The following CAMKMT variants were observed in gnomAD, a reference collection of about 807,000 sequenced individuals.
CAMKMT encodes the protein calmodulin-lysine N-methyltransferase, also known as CaM KMT.
Under a neutral mutation model 48.0 loss-of-function variants are expected in CAMKMT, and 53 were observed. That is an observed-to-expected ratio of 1.10 (90% CI 0.89 to 1.39). CAMKMT has a LOEUF of 1.39. Among genes scored for constraint, CAMKMT ranks in the 40% most tolerant of loss-of-function variants. The probability of loss-of-function intolerance (pLI) is 0.00; values close to 1 mark genes in which losing one functional copy is unlikely to be tolerated. For missense variants in CAMKMT, 428 were observed against 402.7 expected, an observed-to-expected ratio of 1.06 and a Z score of -0.54; for synonymous variants, 165 against 152.3, an observed-to-expected ratio of 1.08 and a Z score of -0.61.
intron 3 of CAMKMT, among the ~76,000 whole-genome samples, chr2:44,480,691 A>G (rs1166481787): frequency 6.6e-6 from 1 of 152,214 alleles, no homozygotes; most frequent in East Asian, 1.9e-4. Context: ...ATGGCAATGT[A>G]TGAGTATCTT....
chr2:44,372,989 G>A (rs1427305649), intron 2 of CAMKMT, 101 bp downstream of exon 2: 14 of 1,123,074 alleles, frequency 1.2e-5, no homozygotes, highest in South Asian at 6.3e-5. Context: ...TTGAGTTTAC[G>A]GGCAATCTTT....
intron 3 of CAMKMT, among the ~76,000 whole-genome samples, chr2:44,658,464 A>T (rs1674498855): frequency 6.6e-6 from 1 of 152,174 alleles, no homozygotes; most frequent in Non-Finnish European, 1.5e-5. Flanking sequence ...GACTCTGCAC[A>T]GTTGCATGCT....
intron 3 of CAMKMT, among the ~76,000 whole-genome samples, chr2:44,570,128 A>G (rs1198226892): frequency 6.6e-6 from 1 of 152,202 alleles, no homozygotes; most frequent in Non-Finnish European, 1.5e-5. Context: ...CTTATAAGTA[A>G]TGTTTCCCCC....
intron 6 of CAMKMT, among the ~76,000 whole-genome samples, chr2:44,711,136 T>A (rs1344342136): frequency 6.6e-6 from 1 of 152,180 alleles, no homozygotes. Flanking sequence ...AACACGGAAA[T>A]CCCGGGCCAT....
At chr2:44,410,244 TA>T (rs1683103281) in intron 3 of CAMKMT, among the ~76,000 whole-genome samples, 1 of 10,996 alleles carries the variant, frequency 9.1e-5, no homozygotes, top group Non-Finnish European at 2.2e-4. Context: ...TATATATATA[TA>T]TATTTTTTTT....
chr2:44,596,215 G>A (rs1235867415), intron 3 of CAMKMT, among the ~76,000 whole-genome samples: 1 of 151,938 alleles, frequency 6.6e-6, no homozygotes, highest in African/African-American at 2.4e-5. Context: ...TTGGGAGGAC[G>A]AGGTAGGTGG....
At chr2:44,620,143 G>T (rs1480974275) in intron 3 of CAMKMT, among the ~76,000 whole-genome samples, 1 of 152,080 alleles carries the variant, frequency 6.6e-6, no homozygotes, top group Non-Finnish European at 1.5e-5. Context: ...ATATAATTAA[G>T]ATAGAATTAG....
chr2:44,458,592 T>A (rs948244873), intron 3 of CAMKMT, among the ~76,000 whole-genome samples: 6 of 152,232 alleles, frequency 3.9e-5, no homozygotes, highest in Non-Finnish European at 1.5e-5. Flanking sequence ...TTCTCAGAAT[T>A]GAAAACAGCA....
chr2:44,413,310 T>G (rs1347897766), intron 3 of CAMKMT, among the ~76,000 whole-genome samples: 2 of 152,000 alleles, frequency 1.3e-5, no homozygotes, highest in Non-Finnish European at 2.9e-5. Flanking sequence ...CAGGTAGATA[T>G]TTAGAGAAGA....
intron 3 of CAMKMT, among the ~76,000 whole-genome samples, chr2:44,410,395 C>G (rs1054592163): frequency 6.7e-6 from 1 of 148,690 alleles, no homozygotes; most frequent in Non-Finnish European, 1.5e-5. Context: ...GTAGCTGGGA[C>G]TACAGGTGCC....
intron 3 of CAMKMT, among the ~76,000 whole-genome samples, chr2:44,556,161 T>C (rs1452329106): frequency 6.6e-6 from 1 of 152,076 alleles, no homozygotes; most frequent in South Asian, 2.1e-4. Flanking sequence ...TATTTTGAGA[T>C]GGAGTCTTGC....
At chr2:44,495,245 A>G (rs1166374847) in intron 3 of CAMKMT, among the ~76,000 whole-genome samples, 1 of 152,110 alleles carries the variant, frequency 6.6e-6, no homozygotes, top group African/African-American at 2.4e-5. Flanking sequence ...AGCTTAAGCA[A>G]TCCTCCTGCC....
At chr2:44,364,322 C>T (rs1344699492) in intron 1 of CAMKMT, among the ~76,000 whole-genome samples, 1 of 152,154 alleles carries the variant, frequency 6.6e-6, no homozygotes, top group East Asian at 1.9e-4. Flanking sequence ...ATCTTCTCTA[C>T]TTGGTGAATG....
chr2:44,597,914 T>G (rs1306397850), intron 3 of CAMKMT, among the ~76,000 whole-genome samples: 3 of 152,134 alleles, frequency 2.0e-5, no homozygotes, highest in Admixed American at 6.5e-5. Flanking sequence ...TTTTTGTGTT[T>G]TTAGTAGAGA....
chr2:44,385,159 G>A (rs1680658634), intron 2 of CAMKMT, among the ~76,000 whole-genome samples: 1 of 151,862 alleles, frequency 6.6e-6, no homozygotes, highest in South Asian at 2.1e-4. Context: ...ATTTCTTTCA[G>A]CTGTGTTTTG....
chr2:44,629,027 A>G (rs1672657270), intron 3 of CAMKMT, among the ~76,000 whole-genome samples: 1 of 152,184 alleles, frequency 6.6e-6, no homozygotes, highest in South Asian at 2.1e-4. Flanking sequence ...ATCAGTTAAA[A>G]CAAGTTGGTT....
chr2:44,413,138 T>C (rs1001037931), intron 3 of CAMKMT, among the ~76,000 whole-genome samples: 2 of 152,006 alleles, frequency 1.3e-5, no homozygotes, highest in African/African-American at 2.4e-5. Flanking sequence ...AATGGTGTTA[T>C]CTATTCTGTA....
intron 3 of CAMKMT, among the ~76,000 whole-genome samples, chr2:44,447,064 G>A (rs913166096): frequency 6.6e-6 from 1 of 152,116 alleles, no homozygotes; most frequent in African/African-American, 2.4e-5. Context: ...TAAGACAAGA[G>A]TAAATAATCA....
At chr2:44,362,878 C>G (rs1308947990) in intron 1 of CAMKMT, among the ~76,000 whole-genome samples, 2 of 152,208 alleles carry the variant, frequency 1.3e-5, no homozygotes, top group Non-Finnish European at 2.9e-5. Context: ...TGATCACTCA[C>G]ATTCTTCGCT....
Sources: allele counts gnomAD v4.1 joint callset (sites outside exome capture counted in the v4.1 genomes callset), GRCh38; gene constraint gnomAD v4.1.1; transcripts MANE v1.5; gene names NCBI Gene and HGNC (gene_info 2026-07-23, HGNC 2026-07-21).